Variants in F8 observed in about 807,000 individuals in gnomAD.
The protein encoded by F8 is coagulation factor VIII.
A neutral mutation model predicts 140.6 loss-of-function variants in F8; 12 were observed. That is an observed-to-expected ratio of 0.09 (90% CI 0.05 to 0.14). F8 has a LOEUF of 0.14. Ranked by LOEUF, F8 falls within the 10% of genes least tolerant of loss-of-function variation. The pLI, the probability that F8 is intolerant of heterozygous loss-of-function variation, is 1.00. For synonymous variants in F8, 585 were observed against 614.6 expected (o/e 0.95, Z 0.71); for missense variants, 1,354 against 1,720.7 (o/e 0.79, Z 3.77).
intron 1 of F8, among the ~76,000 whole-genome samples, chrX:155,015,105 A>T (rs1308170452): frequency 2.7e-5 from 3 of 112,419 alleles, no homozygotes; most frequent in Non-Finnish European, 5.6e-5. Flanking sequence ...GAATCCATAA[A>T]CAGATTTGCC....
At chrX:154,994,003 T>C (rs1367201982) in intron 3 of F8, among the ~76,000 whole-genome samples, 1 of 112,430 alleles carries the variant, frequency 8.9e-6, no homozygotes, top group Non-Finnish European at 1.9e-5. Flanking sequence ...AAGATCAAGA[T>C]AGAAGTCTCT....
At chrX:155,008,931 G>A (rs963118441) in intron 1 of F8, among the ~76,000 whole-genome samples, 12 of 111,038 alleles carry the variant, frequency 1.1e-4, no homozygotes, top group Non-Finnish European at 2.1e-4. Context: ...GATCCAGCAA[G>A]GCTGTCCTGG....
At chrX:154,914,568 G>A (rs2073085493) in intron 14 of F8, among the ~76,000 whole-genome samples, 2 of 111,867 alleles carry the variant, frequency 1.8e-5, no homozygotes, top group Admixed American at 1.9e-4. Flanking sequence ...CTAGGGCAGG[G>A]GCAAAATGCT....
At chrX:154,986,625 C>CAGATA (rs1557284261) in intron 5 of F8, among the ~76,000 whole-genome samples, 1 of 111,162 alleles carries the variant, frequency 9.0e-6, no homozygotes, top group Non-Finnish European at 1.9e-5. Context: ...GTGACAAGAT[C>CAGATA]AGATACTCAC....
At chrX:154,891,768 T>G (rs1367310190) in intron 22 of F8, among the ~76,000 whole-genome samples, 1 of 112,477 alleles carries the variant, frequency 8.9e-6, no homozygotes, top group African/African-American at 3.2e-5. Context: ...TAAATTTGCT[T>G]CAACAGAGAT....
intron 22 of F8, among the ~76,000 whole-genome samples, chrX:154,890,746 A>G (rs1240522396): frequency 1.8e-5 from 2 of 112,456 alleles, no homozygotes; most frequent in Non-Finnish European, 3.8e-5. Context: ...ATTGGAAAAT[A>G]TAGCCTAGTA....
intron 25 of F8, among the ~76,000 whole-genome samples, chrX:154,852,411 TC>T (rs1251829631): frequency 1.8e-5 from 2 of 111,669 alleles, no homozygotes; most frequent in Non-Finnish European, 3.8e-5. Context: ...CCAACTTCAT[TC>T]TTTTGCATGT....
At chrX:154,924,566 C>T (rs782756055) in intron 14 of F8, among the ~76,000 whole-genome samples, 11 of 111,827 alleles carry the variant, frequency 9.8e-5, no homozygotes, top group African/African-American at 2.9e-4. Flanking sequence ...GCCTGGAGGA[C>T]GGTGGTCCTC....
At chrX:154,855,197 T>C (rs1277798336) in intron 25 of F8, among the ~76,000 whole-genome samples, 1 of 112,106 alleles carries the variant, frequency 8.9e-6, no homozygotes, top group Non-Finnish European at 1.9e-5. Context: ...TCTTGGTGAC[T>C]ATGTATATTG....
At chrX:154,911,784 C>G (rs781903458) in intron 14 of F8, among the ~76,000 whole-genome samples, 1 of 111,970 alleles carries the variant, frequency 8.9e-6, no homozygotes, top group Non-Finnish European at 1.9e-5. Context: ...CATACATACT[C>G]TTTTCCATAG....
At chrX:154,852,456 G>A (rs1022432501) in intron 25 of F8, among the ~76,000 whole-genome samples, 6 of 111,800 alleles carry the variant, frequency 5.4e-5, no homozygotes, top group East Asian at 2.8e-4. Context: ...ATTTGTTGAA[G>A]AGACTATTCT....
rs782194876 is a variant in F8 at position 154,879,894 on chromosome X, C to A, written c.6429+16183G>T. 3.6e-5 allele frequency among the ~76,000 whole-genome samples: 4 copies of A among 111,492 alleles called. No individual in the cohort carries two copies. In the South Asian group the frequency reaches 1.5e-3, roughly 42 times the overall value. ...ACCATGGTAAGGCGTGCTTGCTTCC[C>A]CTTTACCTGCTGCTGGGACTGTAAG... On this transcript the variant is annotated intron_variant, in intron 22 of 25. Coordinates refer to ENST00000360256, the MANE Select transcript of F8 (RefSeq NM_000132.4).
chrX:155,001,751 AAAT>A (rs2073647477), intron 1 of F8, among the ~76,000 whole-genome samples: 1 of 110,718 alleles, frequency 9.0e-6, no homozygotes, highest in Admixed American at 9.5e-5. Context: ...TGGCCTCTAC[AAAT>A]AATAATAATT....
At chrX:154,945,706 A>G (rs1182939325) in intron 13 of F8, among the ~76,000 whole-genome samples, 5 of 111,897 alleles carry the variant, frequency 4.5e-5, no homozygotes, top group African/African-American at 1.6e-4. Flanking sequence ...ACTTTCACCA[A>G]TTCTATAAAA....
At chrX:154,878,025 T>A (rs1557274167) in intron 22 of F8, among the ~76,000 whole-genome samples, 1 of 111,562 alleles carries the variant, frequency 9.0e-6, no homozygotes, top group East Asian at 2.8e-4. Flanking sequence ...AGGATTAACA[T>A]TAATCCTTCT....
intron 1 of F8, among the ~76,000 whole-genome samples, chrX:155,020,888 T>C (rs2073757055): frequency 8.9e-6 from 1 of 112,435 alleles, no homozygotes; most frequent in South Asian, 3.6e-4. Flanking sequence ...ACTTCGATGG[T>C]AGAAATGTTT....
rs147200025 is a variant in F8 at position 154,961,111 on chromosome X, C to T, written c.1501G>A (p.Asp501Asn). ...CTCCTTGAATACAAAGGACGGACAT[C>T]AGTGATTCCGTGAGGGTAGATGTTA... ...PYNIYPHGIT[D>N]VRPLYSRRLP... The change falls in exon 10 of 26, where the codon GAT (aspartate) becomes AAT (asparagine). Residue 501 changes from aspartate (D) to asparagine (N), a missense_variant. By Grantham distance (23) the Asp-to-Asn change is conservative. Around this residue, in one of 4 missense-constraint regions of F8, gnomAD observed 252 missense variants for 338.5 expected, o/e 0.74. Transcript: ENST00000360256. The T allele has an allele frequency of 2.0e-5, 24 of 1,202,492 alleles. No homozygotes were observed. In the African/African-American group the frequency reaches 4.2e-4, roughly 21 times the overall value.
intron 3 of F8, among the ~76,000 whole-genome samples, chrX:154,994,325 A>G (rs1161637808): frequency 8.9e-6 from 1 of 112,189 alleles, no homozygotes; most frequent in Non-Finnish European, 1.9e-5. Flanking sequence ...TTAAAAAAAA[A>G]TTGCCCACAT....
At chrX:154,846,269 G>A (rs2072565341) in intron 25 of F8, among the ~76,000 whole-genome samples, 1 of 111,951 alleles carries the variant, frequency 8.9e-6, no homozygotes, top group Non-Finnish European at 1.9e-5. Flanking sequence ...GTTGATTTGG[G>A]ATGGAGAGTT....
Sources: gnomAD v4.1 joint callset for allele counts (sites outside exome capture counted in the v4.1 genomes callset) on GRCh38, gnomAD v4.1.1 for gene constraint, gnomAD v4.1.1 regional missense constraint, MANE v1.5 for transcripts, NCBI Gene and HGNC (gene_info 2026-07-23, HGNC 2026-07-21) for gene names.